MAD1L1: variants seen among roughly 807,000 people sequenced by gnomAD.
The protein encoded by MAD1L1 is mitotic arrest deficient 1 like 1, also known as mitotic spindle assembly checkpoint protein MAD1.
MAD1L1 carries 95 observed loss-of-function variants against 96.9 expected under a neutral mutation model. That is an observed-to-expected ratio of 0.98 (90% CI 0.83 to 1.16). The LOEUF is 1.16. MAD1L1 is among the 50% of genes most tolerant of loss of function. The pLI is 0.00. For missense variants in MAD1L1, 1,007 were observed against 954.4 expected (o/e 1.06, Z -0.73); for synonymous variants, 473 against 396.6 (o/e 1.19, Z -2.29).
chr7:2,079,973 C>G (rs961492334), intron 11 of MAD1L1: 10 of 334,812 alleles, frequency 3.0e-5, no homozygotes, highest in Non-Finnish European at 5.2e-5. Context: ...ACACATCTAC[C>G]GTCTCCCGAG....
intron 17 of MAD1L1, among the ~76,000 whole-genome samples, 180 bp from the exon 18 acceptor site, chr7:1,898,570 G>A (rs969801012): frequency 3.9e-5 from 6 of 152,202 alleles, no homozygotes; most frequent in African/African-American, 1.4e-4. Flanking sequence ...GAACGGGAGT[G>A]AGGGGTGAGC....
intron 16 of MAD1L1, among the ~76,000 whole-genome samples, chr7:1,946,549 C>T (rs1779236981): frequency 6.6e-6 from 1 of 152,270 alleles, no homozygotes; most frequent in Non-Finnish European, 1.5e-5. Context: ...TGGAGCCTTC[C>T]TTTGATGCGA....
At chr7:1,951,089 T>C (rs1238234191) in intron 16 of MAD1L1, among the ~76,000 whole-genome samples, 2 of 152,250 alleles carry the variant, frequency 1.3e-5, no homozygotes, top group Non-Finnish European at 2.9e-5. Context: ...GCTGCTCCCC[T>C]GGCCTGCCGA....
chr7:2,113,651 GA>G (rs1442512959), intron 11 of MAD1L1, among the ~76,000 whole-genome samples: 3 of 152,144 alleles, frequency 2.0e-5, no homozygotes, highest in African/African-American at 7.2e-5. Flanking sequence ...CTTATTATCA[GA>G]ACAAAAGCCG....
intron 11 of MAD1L1, among the ~76,000 whole-genome samples, chr7:2,134,762 G>C (rs185151670): frequency 6.6e-6 from 1 of 152,306 alleles, no homozygotes; most frequent in Admixed American, 6.5e-5. Context: ...GGGGTTCTCA[G>C]AGAGCAACTT....
chr7:1,966,211 C>A (rs1487107910), intron 15 of MAD1L1, among the ~76,000 whole-genome samples: 2 of 152,256 alleles, frequency 1.3e-5, no homozygotes, highest in Non-Finnish European at 2.9e-5. Flanking sequence ...GGCTAGAAAC[C>A]ACCCAGGTCG....
chr7:2,170,021 ATCCGAAGGGGCCCTGCC>A (rs1001076309), intron 10 of MAD1L1, among the ~76,000 whole-genome samples: 1 of 152,316 alleles, frequency 6.6e-6, no homozygotes. Flanking sequence ...TGATGAATGC[ATCCGAAGGGGCCCTGCC>A]TCCCGGACTC....
chr7:2,004,891 C>G (rs1311572258), intron 13 of MAD1L1, among the ~76,000 whole-genome samples: 2 of 152,216 alleles, frequency 1.3e-5, no homozygotes, highest in Non-Finnish European at 2.9e-5. Context: ...CTCACATGAC[C>G]CAGGGCCTGG....
intron 10 of MAD1L1, among the ~76,000 whole-genome samples, chr7:2,169,273 C>T (rs779905587): frequency 6.6e-6 from 1 of 152,126 alleles, no homozygotes; most frequent in Non-Finnish European, 1.5e-5. Context: ...CTCCTAAGAG[C>T]GGGTAGGGAT....
intron 18 of MAD1L1, chr7:1,816,999 CAG>C (rs1265894932): frequency 6.6e-6 from 1 of 152,294 alleles, no homozygotes; most frequent in Non-Finnish European, 1.5e-5. Context: ...AGAATATGCC[CAG>C]AACTCCCACA....
chr7:2,134,169 C>A (rs745341384), intron 11 of MAD1L1, among the ~76,000 whole-genome samples: 4 of 152,206 alleles, frequency 2.6e-5, no homozygotes, highest in Non-Finnish European at 5.9e-5. Flanking sequence ...CATTGATTTA[C>A]GGCTTTGATT....
At chr7:1,837,369 G>A (rs923554019) in intron 18 of MAD1L1, among the ~76,000 whole-genome samples, 12 of 152,224 alleles carry the variant, frequency 7.9e-5, no homozygotes, top group African/African-American at 2.9e-4. Context: ...ATGGAAAATG[G>A]TGCAGGCACT....
chr7:1,936,099 C>G (rs1469508766), intron 17 of MAD1L1, among the ~76,000 whole-genome samples: 1 of 152,222 alleles, frequency 6.6e-6, no homozygotes, highest in East Asian at 1.9e-4. Context: ...TCAGGGGCAC[C>G]CTGCAGAGTC....
intron 11 of MAD1L1, among the ~76,000 whole-genome samples, chr7:2,085,486 G>A (rs1431464866): frequency 6.6e-6 from 1 of 152,242 alleles, no homozygotes; most frequent in Non-Finnish European, 1.5e-5. Flanking sequence ...TGCCCACAGT[G>A]AGCACATGAG....
At chr7:1,857,265 GT>G (rs1377796691) in intron 18 of MAD1L1, among the ~76,000 whole-genome samples, 1 of 152,206 alleles carries the variant, frequency 6.6e-6, no homozygotes, top group Non-Finnish European at 1.5e-5. Flanking sequence ...TCGGGCGAGG[GT>G]GGGTGCGATG....
chr7:1,926,384 C>A (rs958726578), intron 17 of MAD1L1, among the ~76,000 whole-genome samples: 1 of 152,240 alleles, frequency 6.6e-6, no homozygotes, highest in African/African-American at 2.4e-5. Context: ...TTCCAATTCA[C>A]TTCATTCATT....
intron 18 of MAD1L1, among the ~76,000 whole-genome samples, chr7:1,864,794 G>A (rs7798595): frequency 1.3e-5 from 2 of 151,980 alleles, no homozygotes; most frequent in African/African-American, 2.4e-5. Flanking sequence ...GGTGCCCCCC[G>A]CCCCCACTCC....
At chr7:1,880,409 A>G (rs1406753052) in intron 18 of MAD1L1, among the ~76,000 whole-genome samples, 1 of 152,154 alleles carries the variant, frequency 6.6e-6, no homozygotes, top group Admixed American at 6.5e-5. Flanking sequence ...ACCTCCCTGC[A>G]GAGCCCAAAC....
chr7:1,838,457 A>G (rs1298140587), intron 18 of MAD1L1: 2 of 259,798 alleles, frequency 7.7e-6, no homozygotes, highest in Non-Finnish European at 1.6e-5. Flanking sequence ...GAACGGATAA[A>G]CAACCATGGT....
Sources: allele counts gnomAD v4.1 joint callset (sites outside exome capture counted in the v4.1 genomes callset), GRCh38; gene constraint gnomAD v4.1.1; transcripts MANE v1.5; gene names NCBI Gene and HGNC (gene_info 2026-07-23, HGNC 2026-07-21).